The following HEPACAM2 variants were observed in gnomAD, a reference collection of about 807,000 sequenced individuals.
The protein encoded by HEPACAM2 is HEPACAM family member 2.
Under a neutral mutation model 49.6 loss-of-function variants are expected in HEPACAM2, and 49 were observed. The observed-to-expected ratio is 0.99, with a 90% confidence interval of 0.78 to 1.25. The LOEUF is 1.25. Ranked by LOEUF, HEPACAM2 falls within the 50% of genes most tolerant of loss-of-function variation. The probability of loss-of-function intolerance (pLI) is 0.00; values close to 1 mark genes in which losing one functional copy is unlikely to be tolerated. For synonymous variants in HEPACAM2, 197 were observed against 202.9 expected (o/e 0.97, Z 0.25); for missense variants, 525 against 557.2 (o/e 0.94, Z 0.58).
chr7:93,195,963 A>G, intron 7 of HEPACAM2, 62 bp from the exon 8 acceptor site: 1 of 1,201,810 alleles, frequency 8.3e-7, no homozygotes, highest in Non-Finnish European at 1.2e-6. Flanking sequence ...TGTTTTTTAA[A>G]CCTTTGTAAA....
intron 4 of HEPACAM2, among the ~76,000 whole-genome samples, chr7:93,206,241 T>C (rs1396659458): frequency 6.6e-6 from 1 of 152,086 alleles, no homozygotes; most frequent in Non-Finnish European, 1.5e-5. Context: ...TGCTGTACAA[T>C]TATGTCTTGG....
chr7:93,197,090 G>T (rs1010388708), intron 7 of HEPACAM2, 151 bp downstream of exon 7: 12 of 447,400 alleles, frequency 2.7e-5, no homozygotes, highest in African/African-American at 1.9e-4. Context: ...ACAGCACTTT[G>T]TAAAGTGAAG....
At chr7:93,221,114 A>G (rs1794440782) in intron 1 of HEPACAM2, among the ~76,000 whole-genome samples, 1 of 152,146 alleles carries the variant, frequency 6.6e-6, no homozygotes. Flanking sequence ...AGGATCAAAA[A>G]TGTGAAATAA....
chr7:93,192,432 T>C, intron 8 of HEPACAM2, 69 bp from the exon 9 acceptor site: 1 of 1,175,394 alleles, frequency 8.5e-7, no homozygotes, highest in Non-Finnish European at 1.2e-6. Context: ...CTATGTTGCA[T>C]AGTTGAAAAC....
intron 4 of HEPACAM2, among the ~76,000 whole-genome samples, chr7:93,199,968 A>G (rs1793838370): frequency 6.6e-6 from 1 of 151,742 alleles, no homozygotes; most frequent in Non-Finnish European, 1.5e-5. Context: ...GGAGTTTTCT[A>G]GTGGTGTTTC....
At chr7:93,203,015 T>C (rs909182459) in intron 4 of HEPACAM2, among the ~76,000 whole-genome samples, 1 of 152,148 alleles carries the variant, frequency 6.6e-6, no homozygotes, top group Non-Finnish European at 1.5e-5. Flanking sequence ...TACTTCCTTA[T>C]TTCTTTAGGC....
At chr7:93,215,711 G>T (rs1401130929) in intron 2 of HEPACAM2, 26 bp from the exon 3 acceptor site, 2 of 1,591,952 alleles carry the variant, frequency 1.3e-6, no homozygotes, top group South Asian at 1.1e-5. Context: ...AGATATGAAT[G>T]ATTTTTTCTT....
intron 8 of HEPACAM2, among the ~76,000 whole-genome samples, chr7:93,194,386 C>T (rs905335511): frequency 1.3e-5 from 2 of 152,164 alleles, no homozygotes; most frequent in Admixed American, 1.3e-4. Flanking sequence ...GAAGCCACAC[C>T]TCAGAGTGGT....
intron 3 of HEPACAM2, among the ~76,000 whole-genome samples, chr7:93,214,776 T>C (rs1165431271): frequency 6.6e-6 from 1 of 152,172 alleles, no homozygotes; most frequent in East Asian, 1.9e-4. Context: ...AAGAAAGATG[T>C]TATTTTCATT....
chr7:93,208,469 T>C (rs1449670065), intron 4 of HEPACAM2, 111 bp downstream of exon 4: 7 of 924,754 alleles, frequency 7.6e-6, no homozygotes, highest in Non-Finnish European at 1.1e-5. Context: ...TTAGAATATA[T>C]GAATAATCCC....
chr7:93,196,010 C>G, intron 7 of HEPACAM2, 109 bp from the exon 8 acceptor site: 1 of 732,870 alleles, frequency 1.4e-6, no homozygotes, highest in Non-Finnish European at 2.3e-6. Context: ...GGTATAGGTA[C>G]AAAATGAATT....
At chr7:93,195,309 C>T (rs1793664006) in intron 8 of HEPACAM2, among the ~76,000 whole-genome samples, 1 of 152,060 alleles carries the variant, frequency 6.6e-6, no homozygotes, top group Non-Finnish European at 1.5e-5. Context: ...CTCACTGTAG[C>T]CTTGAACTCC....
chr7:93,198,201 AC>A (rs1452427627), intron 4 of HEPACAM2, among the ~76,000 whole-genome samples: 1 of 152,108 alleles, frequency 6.6e-6, no homozygotes, highest in Non-Finnish European at 1.5e-5. Context: ...TTAAAGTCCC[AC>A]CTTTTGACTA....
intron 4 of HEPACAM2, among the ~76,000 whole-genome samples, chr7:93,203,374 T>C (rs1793944082): frequency 6.6e-6 from 1 of 152,132 alleles, no homozygotes; most frequent in Non-Finnish European, 1.5e-5. Context: ...TGTTGTGGTC[T>C]CAGCTGCAGG....
At chr7:93,213,335 A>G (rs766512847) in intron 3 of HEPACAM2, among the ~76,000 whole-genome samples, 4 of 152,078 alleles carry the variant, frequency 2.6e-5, no homozygotes, top group Non-Finnish European at 4.4e-5. Context: ...TCACAACCTC[A>G]TAAGTATATA....
In HEPACAM2 at chr7:93,208,871, G is replaced by T. The variant is rs1433104399; in HGVS notation, c.721C>A (p.Pro241Thr). The T allele has an allele frequency of 6.3e-7, 1 of 1,582,532 alleles. No individual in the cohort carries two copies. Among genetic ancestry groups the T allele is most frequent in the South Asian group, 1.2e-5 (1 of 86,652 alleles). The change falls in exon 4 of 10, where the codon CCT becomes ACT. Residue 241 changes from proline (P) to threonine (T), a missense_variant. Transcript: ENST00000394468. ...TCAGAATTCACTTGAAGTCCATAAGGTCCATCTGCATCAATATAAAAAAAA... is the reference window on the plus strand; with the variant it reads ...TCAGAATTCACTTGAAGTCCATAAGTTCCATCTGCATCAATATAAAAAAAA... The part of the protein sequence containing the change: ...DIIMPIIYYG[P>T]YGLQVNSDKG...
chr7:93,229,618 A>C (rs1176901318), upstream of HEPACAM2, among the ~76,000 whole-genome samples: 2 of 151,822 alleles, frequency 1.3e-5, no homozygotes, highest in African/African-American at 4.8e-5. Context: ...AATTTACTTA[A>C]CTCTTGGCTC....
intron 3 of HEPACAM2, 137 bp from the exon 4 acceptor site, chr7:93,209,013 A>G (rs1794108751): frequency 1.7e-6 from 1 of 587,238 alleles, no homozygotes; most frequent in African/African-American, 1.9e-5. Flanking sequence ...CCTTGCTTAG[A>G]CTCCCAATAA....
At chr7:93,217,939 T>C (rs1034379348) in intron 2 of HEPACAM2, among the ~76,000 whole-genome samples, 1 of 151,164 alleles carries the variant, frequency 6.6e-6, no homozygotes, top group Non-Finnish European at 1.5e-5. Context: ...TTACATTTTA[T>C]ATAGGGTGGT....
Sources: allele counts gnomAD v4.1 joint callset (sites outside exome capture counted in the v4.1 genomes callset), GRCh38; gene constraint gnomAD v4.1.1; transcripts MANE v1.5; gene names NCBI Gene and HGNC (gene_info 2026-07-23, HGNC 2026-07-21).